Variants in USP13 observed in about 807,000 individuals in gnomAD.
USP13 encodes ubiquitin specific peptidase 13, also known as ubiquitin carboxyl-terminal hydrolase 13.
A neutral mutation model predicts 107.8 loss-of-function variants in USP13; 68 were observed. The observed-to-expected ratio is 0.63, with a 90% confidence interval of 0.52 to 0.77. USP13 has a LOEUF of 0.77. USP13 is among the 30% of genes least tolerant of loss of function. The probability of loss-of-function intolerance (pLI) is 0.00; values close to 1 mark genes in which losing one functional copy is unlikely to be tolerated. For missense variants in USP13, 945 were observed against 1,093.3 expected (o/e 0.86, Z 1.91); for synonymous variants, 377 against 389.5 (o/e 0.97, Z 0.38).
At chr3:179,751,097 T>C (rs1714596135) in intron 13 of USP13, among the ~76,000 whole-genome samples, 1 of 152,182 alleles carries the variant, frequency 6.6e-6, no homozygotes, top group Non-Finnish European at 1.5e-5. Context: ...CTCATTTTCT[T>C]TTTTACATAT....
At chr3:179,783,760 C>T (rs1715825202) in intron 20 of USP13, among the ~76,000 whole-genome samples, 2 of 151,712 alleles carry the variant, frequency 1.3e-5, no homozygotes, top group South Asian at 2.1e-4. Context: ...CCCAGCTACT[C>T]CAGAGGCTGA....
chr3:179,666,946 T>G (rs1720604608), intron 1 of USP13, among the ~76,000 whole-genome samples: 1 of 152,202 alleles, frequency 6.6e-6, no homozygotes, highest in Non-Finnish European at 1.5e-5. Context: ...TGCTTTAATG[T>G]CACTGAATTC....
At chr3:179,688,188 T>TCAA (rs1711958074) in intron 2 of USP13, among the ~76,000 whole-genome samples, 2 of 145,156 alleles carry the variant, frequency 1.4e-5, no homozygotes, top group South Asian at 2.3e-4. Context: ...CATCCATCCA[T>TCAA]TCATCAATCC....
At chr3:179,757,834 G>C (rs890341064) in intron 16 of USP13, among the ~76,000 whole-genome samples, 6 of 152,134 alleles carry the variant, frequency 3.9e-5, no homozygotes, top group Non-Finnish European at 8.8e-5. Context: ...ATTGTTAGAG[G>C]AGTAATTAGA....
intron 19 of USP13, among the ~76,000 whole-genome samples, chr3:179,778,790 C>T (rs979271884): frequency 8.0e-5 from 12 of 150,530 alleles, no homozygotes; most frequent in African/African-American, 2.2e-4. Flanking sequence ...AAAACGAATG[C>T]GACATGGCAG....
intron 19 of USP13, among the ~76,000 whole-genome samples, chr3:179,773,536 T>C (rs533522576): frequency 2.0e-4 from 30 of 152,360 alleles, no homozygotes; most frequent in African/African-American, 7.2e-4. Flanking sequence ...GAGTTGCTTT[T>C]GGTCATTACA....
chr3:179,665,629 A>C (rs540799759), intron 1 of USP13, among the ~76,000 whole-genome samples: 103 of 152,286 alleles, frequency 6.8e-4, no homozygotes, highest in African/African-American at 2.5e-3. Flanking sequence ...TGTGTTGCCC[A>C]GGCTGGAGTG....
At chr3:179,671,015 G>A (rs1720736058) in intron 1 of USP13, among the ~76,000 whole-genome samples, 1 of 152,090 alleles carries the variant, frequency 6.6e-6, no homozygotes, top group Non-Finnish European at 1.5e-5. Context: ...CACTTTCGGA[G>A]GCCAAGATGG....
At chr3:179,772,992 T>C (rs1197326030) in intron 19 of USP13, among the ~76,000 whole-genome samples, 11 of 152,178 alleles carry the variant, frequency 7.2e-5, no homozygotes, top group Non-Finnish European at 1.5e-5. Flanking sequence ...AGAGAGGGCA[T>C]GAGGGGAAAT....
chr3:179,748,266 T>A (rs1576974474), intron 13 of USP13, among the ~76,000 whole-genome samples: 1 of 152,262 alleles, frequency 6.6e-6, no homozygotes, highest in East Asian at 1.9e-4. Flanking sequence ...ACCCCCATAT[T>A]CCTTGTCATG....
intron 5 of USP13, 122 bp from the exon 6 acceptor site, chr3:179,708,651 A>G: frequency 8.3e-7 from 1 of 1,200,928 alleles, no homozygotes; most frequent in Non-Finnish European, 1.2e-6. Flanking sequence ...GGGAAGCATC[A>G]GTCTCTGTTA....
intron 1 of USP13, among the ~76,000 whole-genome samples, chr3:179,656,624 C>T (rs183018230): frequency 6.6e-6 from 1 of 152,340 alleles, no homozygotes; most frequent in Admixed American, 6.5e-5. Flanking sequence ...TTCACCTCTC[C>T]ATGGTTTGGT....
intron 13 of USP13, 92 bp from the exon 14 acceptor site, chr3:179,752,193 G>A (rs938081629): frequency 2.7e-5 from 30 of 1,114,816 alleles, no homozygotes; most frequent in Non-Finnish European, 3.9e-5. Context: ...GGAATGGCCA[G>A]GTGTGCCTCA....
At chr3:179,654,217 A>AAAG (rs962455605) in intron 1 of USP13, among the ~76,000 whole-genome samples, 1 of 151,484 alleles carries the variant, frequency 6.6e-6, no homozygotes, top group Admixed American at 6.6e-5. Flanking sequence ...CCGTCTCAAA[A>AAAG]AAAAAAAAAA....
chr3:179,770,624 G>A (rs1249780180), intron 19 of USP13, among the ~76,000 whole-genome samples: 12 of 131,626 alleles, frequency 9.1e-5, no homozygotes, highest in African/African-American at 3.0e-4. Context: ...TTTTTTTTTT[G>A]AGATGGAGTC....
intron 1 of USP13, among the ~76,000 whole-genome samples, chr3:179,676,877 G>GT (rs1553788130): frequency 6.6e-6 from 1 of 151,954 alleles, no homozygotes; most frequent in Non-Finnish European, 1.5e-5. Flanking sequence ...GCCTGTTGAT[G>GT]TTTTTTTTCC....
chr3:179,770,766 A>G (rs549293538), intron 19 of USP13, among the ~76,000 whole-genome samples: 5 of 152,138 alleles, frequency 3.3e-5, no homozygotes, highest in Admixed American at 2.6e-4. Context: ...CACCACACCC[A>G]GCTAATTTTT....
Position 179,721,625 on chromosome 3 carries a change from C to T in USP13, c.1088+36C>T. The T allele has an allele frequency of 6.3e-7, 1 of 1,597,880 alleles. No individual in the cohort carries two copies. The highest frequency in any genetic ancestry group is 8.5e-7 in the Non-Finnish European group (1 of 1,171,758). On this transcript the variant is annotated intron_variant, in intron 8 of 20. Transcript: ENST00000263966. This position sits in a 1 kb window ranked among gnomAD's most constrained non-coding sequence, Gnocchi z 4.3. The stretch of plus-strand genomic sequence containing the variant: ...TCCATGCAGACCAGGGCACGCGGCA[C>T]CTCCCTGCCCCATCTAGGTCCAGTC...
At chr3:179,723,735 T>C (rs1713412940) in intron 8 of USP13, among the ~76,000 whole-genome samples, 1 of 152,224 alleles carries the variant, frequency 6.6e-6, no homozygotes, top group South Asian at 2.1e-4. Context: ...ATGTCTTCAG[T>C]CTTTTCACCC....
Sources: gnomAD v4.1 joint callset for allele counts (sites outside exome capture counted in the v4.1 genomes callset) on GRCh38, gnomAD v4.1.1 for gene constraint, Gnocchi (gnomAD v3.1) non-coding constraint, MANE v1.5 for transcripts, NCBI Gene and HGNC (gene_info 2026-07-23, HGNC 2026-07-21) for gene names.